DRC4: variants seen among roughly 807,000 people sequenced by gnomAD.
DRC4 encodes the protein dynein regulatory complex subunit 4.
At chr16:90,034,209 G>A in the DRC4 span, among the ~76,000 whole-genome samples, 7 of 152,198 alleles carry the variant, frequency 4.6e-5, no homozygotes, top group African/African-American at 1.4e-4. Context: ...ACTTGGTGAC[G>A]TTGCTGACTT....
At chr16:90,037,121 G>A in the DRC4 span, 5 of 1,095,270 alleles carry the variant, frequency 4.6e-6, no homozygotes, top group Non-Finnish European at 6.5e-6. Flanking sequence ...CATGCCTGAG[G>A]CTGGCAGCAG....
At chr16:90,025,001 A>C in the DRC4 span, among the ~76,000 whole-genome samples, 5 of 149,906 alleles carry the variant, frequency 3.3e-5, no homozygotes, top group Admixed American at 6.6e-5. Context: ...ATTTCCACAT[A>C]ATATTTTCTC....
the DRC4 span, among the ~76,000 whole-genome samples, chr16:90,023,799 C>G: frequency 6.6e-6 from 1 of 150,688 alleles, no homozygotes. Context: ...CCAGACCATC[C>G]TGGCCAACAT....
the DRC4 span, chr16:90,043,127 G>A: frequency 3.9e-6 from 6 of 1,527,864 alleles, no homozygotes; most frequent in South Asian, 2.4e-5. Flanking sequence ...CCTCCATGGA[G>A]CTGCACTCAG....
the DRC4 span, among the ~76,000 whole-genome samples, chr16:90,025,993 C>A: frequency 7.2e-5 from 11 of 152,018 alleles, no homozygotes; most frequent in Admixed American, 7.2e-4. Context: ...GCAGTGAACT[C>A]CTGTGGTCCC....
At chr16:90,042,450 C>G in the DRC4 span, 1 of 1,612,560 alleles carries the variant, frequency 6.2e-7, no homozygotes. Flanking sequence ...CTCAAACTCC[C>G]ATCACCTCTC....
chr16:90,034,892 C>CTTTTTTTT, the DRC4 span, among the ~76,000 whole-genome samples: 1 of 53,868 alleles, frequency 1.9e-5, no homozygotes, highest in African/African-American at 8.2e-5. Context: ...CCCACCTAAT[C>CTTTTTTTT]TTTTTTTTTT....
At chr16:90,028,844 C>G in the DRC4 span, 1 of 874,842 alleles carries the variant, frequency 1.1e-6, no homozygotes, top group Non-Finnish European at 1.5e-6. Context: ...GATAAAAAAT[C>G]AATACGAAGG....
chr16:90,022,958 C>T, the DRC4 span, among the ~76,000 whole-genome samples: 1 of 152,158 alleles, frequency 6.6e-6, no homozygotes, highest in Admixed American at 6.5e-5. Context: ...GCCCTGTGCT[C>T]ACAGGGGTGG....
the DRC4 span, chr16:90,043,227 C>G: frequency 1.2e-6 from 2 of 1,613,480 alleles, no homozygotes; most frequent in African/African-American, 2.7e-5. Context: ...ACGTATGAGG[C>G]AAAGCTGCTG....
At chr16:90,027,844 C>T in the DRC4 span, 1 of 870,996 alleles carries the variant, frequency 1.1e-6, no homozygotes, top group Non-Finnish European at 1.8e-6. Flanking sequence ...CAGAACACGC[C>T]CCCCGCGTGG....
the DRC4 span, chr16:90,022,139 C>T: frequency 6.6e-6 from 1 of 152,240 alleles, no homozygotes; most frequent in East Asian, 1.9e-4. Context: ...GAAAGGAATA[C>T]TTACTGATTT....
the DRC4 span, chr16:90,031,483 A>G: frequency 6.4e-7 from 1 of 1,565,654 alleles, no homozygotes. Flanking sequence ...GAGAGGCACC[A>G]GGTGGAGATC....
the DRC4 span, chr16:90,022,636 C>G: frequency 7.4e-7 from 1 of 1,355,528 alleles, no homozygotes; most frequent in Non-Finnish European, 9.7e-7. Flanking sequence ...ATCGCGGCAT[C>G]GCCCAGCGGT....
the DRC4 span, among the ~76,000 whole-genome samples, chr16:90,027,171 C>T: frequency 9.0e-4 from 135 of 150,392 alleles, no homozygotes; most frequent in Non-Finnish European, 1.3e-3. Flanking sequence ...CTGCAAACTC[C>T]ATGCCCCAGG....
the DRC4 span, among the ~76,000 whole-genome samples, chr16:90,034,174 C>G: frequency 1.2e-4 from 18 of 152,262 alleles, no homozygotes; most frequent in African/African-American, 3.9e-4. Flanking sequence ...TGGAAGCAGT[C>G]CAGCCTCCAC....
the DRC4 span, chr16:90,036,276 CTGACCACAG>C: frequency 1.0e-6 from 1 of 1,001,360 alleles, no homozygotes; most frequent in Non-Finnish European, 1.5e-6. Context: ...CAAGGCTGTT[CTGACCACAG>C]TGGGCGTTTT....
At chr16:90,022,768 CGGAGACCTCGGGGCAG>C in the DRC4 span, 1 of 1,334,244 alleles carries the variant, frequency 7.5e-7, no homozygotes. Flanking sequence ...GGCAGGGGCC[CGGAGACCTCGGGGCAG>C]GGAGGCCTCG....
chr16:90,043,716 G>T, the DRC4 span: 5 of 488,176 alleles, frequency 1.0e-5, 1 homozygote, highest in East Asian at 1.3e-4. Flanking sequence ...CGAATGGACA[G>T]CTTTGCAGGT....
Sources: gnomAD v4.1 joint callset for allele counts (sites outside exome capture counted in the v4.1 genomes callset) on GRCh38, gnomAD v4.1.1 for gene constraint, MANE v1.5 for transcripts, NCBI Gene and HGNC (gene_info 2026-07-23, HGNC 2026-07-21) for gene names.